NFIB: variants seen among roughly 807,000 people sequenced by gnomAD.
NFIB encodes the protein nuclear factor I B, also known as nuclear factor 1 B-type.
A neutral mutation model predicts 61.5 loss-of-function variants in NFIB; 11 were observed. The ratio of observed to expected loss-of-function variants is 0.18; its 90% CI spans 0.11 to 0.30. The LOEUF (loss-of-function observed/expected upper bound fraction) is 0.30. NFIB is among the 10% of genes least tolerant of loss of function. The probability of loss-of-function intolerance (pLI) is 1.00; values close to 1 mark genes in which losing one functional copy is unlikely to be tolerated. For synonymous variants in NFIB, 260 were observed against 216.5 expected (o/e 1.20, Z -1.76); for missense variants, 471 against 608.9 (o/e 0.77, Z 2.38).
intron 2 of NFIB, chr9:14,180,929 A>G (rs768645049): frequency 6.6e-5 from 10 of 152,180 alleles, no homozygotes; most frequent in Non-Finnish European, 1.3e-4. Context: ...TGGGGCACAA[A>G]TGACGGCTCT....
At chr9:14,398,616 C>T (rs2061711465) in exon 1 of NFIB, 2 of 1,531,290 alleles carry the variant, frequency 1.3e-6, no homozygotes, top group African/African-American at 1.4e-5. Flanking sequence ...TCCACAGACA[C>T]TGGGATTCTT....
At position 14,346,782 on chromosome 9, in the gene NFIB, G is replaced by A. The variant is rs180672621; in HGVS notation, c.109-39262C>T. Among the ~76,000 whole-genome samples, 806 of 152,286 alleles carry A rather than the reference G, an allele frequency of 5.3e-3. 6 individuals are homozygous for A. The highest frequency in any genetic ancestry group is 7.3e-3 in the Non-Finnish European group (499 of 68,020). ...GCGCAAGGAGTTATAGAACCTTGAG[G>A]GGGGGATCTTTTCTATCTCTAATTA... On this transcript the variant is annotated intron_variant, in intron 1 of 8. Transcript: ENST00000380934.
the NFIB span, among the ~76,000 whole-genome samples, chr9:14,429,510 T>G: frequency 6.6e-6 from 1 of 152,230 alleles, no homozygotes; most frequent in Non-Finnish European, 1.5e-5. Flanking sequence ...ATGTTACTAG[T>G]TAAGTGATAA....
chr9:14,368,288 T>C (rs998105274), intron 1 of NFIB, among the ~76,000 whole-genome samples: 1 of 152,042 alleles, frequency 6.6e-6, no homozygotes, highest in Non-Finnish European at 1.5e-5. Context: ...GAAGCAGACA[T>C]AAAGAGGTAG....
At chr9:14,220,871 A>ACACACACACACT in intron 2 of NFIB, among the ~76,000 whole-genome samples, 1 of 151,034 alleles carries the variant, frequency 6.6e-6, no homozygotes, top group African/African-American at 2.4e-5. Context: ...ACACACACAC[A>ACACACACACACT]CACACACACA....
intron 1 of NFIB, among the ~76,000 whole-genome samples, chr9:14,389,556 A>G (rs1165014322): frequency 6.6e-6 from 1 of 152,202 alleles, no homozygotes; most frequent in Non-Finnish European, 1.5e-5. Flanking sequence ...AGTAACTTGG[A>G]CCAGAATTTT....
chr9:14,095,920 G>A (rs2034708716), intron 10 of NFIB, among the ~76,000 whole-genome samples: 2 of 152,112 alleles, frequency 1.3e-5, no homozygotes, highest in Admixed American at 1.3e-4. Flanking sequence ...GTAACTTTCT[G>A]CAATTTCAGA....
chr9:14,093,529 G>C (rs764610801), intron 10 of NFIB: 4 of 151,864 alleles, frequency 2.6e-5, no homozygotes. Context: ...GAAAGCATGG[G>C]GAATAAATAA....
At chr9:14,453,635 G>C in the NFIB span, among the ~76,000 whole-genome samples, 1 of 152,144 alleles carries the variant, frequency 6.6e-6, no homozygotes, top group Non-Finnish European at 1.5e-5. Flanking sequence ...GTAAATCATT[G>C]AGAGTAATAT....
chr9:14,341,691 G>A (rs2060952277), intron 1 of NFIB, among the ~76,000 whole-genome samples: 1 of 152,140 alleles, frequency 6.6e-6, no homozygotes, highest in Non-Finnish European at 1.5e-5. Flanking sequence ...AGTCTGAGGT[G>A]GGAACATTTT....
chr9:14,186,209 AG>A (rs2047318698), intron 2 of NFIB, among the ~76,000 whole-genome samples: 1 of 152,186 alleles, frequency 6.6e-6, no homozygotes, highest in South Asian at 2.1e-4. Context: ...TTTTATATCA[AG>A]GGATATCAGA....
upstream of NFIB, among the ~76,000 whole-genome samples, chr9:14,318,461 T>G (rs183550333): frequency 1.7e-3 from 252 of 152,084 alleles, 1 homozygote; most frequent in African/African-American, 5.8e-3. Context: ...CATGAAAGAT[T>G]TCTTGGAACT....
At chr9:14,341,512 GC>G (rs2060950032) in intron 1 of NFIB, among the ~76,000 whole-genome samples, 2 of 152,172 alleles carry the variant, frequency 1.3e-5, no homozygotes, top group African/African-American at 4.8e-5. Context: ...GATCAGAAGT[GC>G]TGGGAAGGGA....
intron 2 of NFIB, among the ~76,000 whole-genome samples, chr9:14,278,332 G>C (rs541677971): frequency 6.6e-6 from 1 of 152,226 alleles, no homozygotes. Flanking sequence ...GTGGTCCATT[G>C]TTAATTGAGT....
At chr9:14,322,749 T>TGGCCTGCGCCGCGC (rs1554713467) in intron 1 of NFIB, among the ~76,000 whole-genome samples, 1 of 151,272 alleles carries the variant, frequency 6.6e-6, no homozygotes, top group African/African-American at 2.4e-5. Flanking sequence ...CGAGTGGGTG[T>TGGCCTGCGCCGCGC]GGCGGCCTGC....
At chr9:14,212,036 A>G (rs889891539) in intron 2 of NFIB, among the ~76,000 whole-genome samples, 4 of 152,246 alleles carry the variant, frequency 2.6e-5, no homozygotes, top group Admixed American at 2.0e-4. Flanking sequence ...TAATGCAAAT[A>G]CGTTGCCATT....
intron 2 of NFIB, among the ~76,000 whole-genome samples, chr9:14,194,690 G>A (rs933965058): frequency 1.3e-5 from 2 of 152,082 alleles, no homozygotes; most frequent in African/African-American, 2.4e-5. Context: ...AAACAAATGA[G>A]ATACATTATA....
In NFIB at chr9:14,216,546, C is replaced by CTGTGTG. The variant is rs372536644; in HGVS notation, c.563-36772_563-36767dup. ...TCTCTCTCTCTCTCTCTCTCTCCCT[C>CTGTGTG]TGTGTGTGTGTGTGTGTGTGTGTGT... On this transcript the variant is annotated intron_variant, in intron 2 of 10. Transcript: ENST00000380953. 7.6e-3 allele frequency among the ~76,000 whole-genome samples: 163 copies of CTGTGTG among 21,530 alleles called. 3 individuals carry two copies. The highest frequency in any genetic ancestry group is 0.034 in the Admixed American group (125 of 3,630). The allele number at this position is 21,530 out of a possible 152,430, so 14.1% of individuals were successfully genotyped here.
intron 2 of NFIB, among the ~76,000 whole-genome samples, chr9:14,190,675 G>T (rs539012161): frequency 1.3e-5 from 2 of 152,238 alleles, no homozygotes; most frequent in African/African-American, 4.8e-5. Flanking sequence ...TTAAAACTGT[G>T]CAGGCAAAGA....
Sources: gnomAD v4.1 joint callset for allele counts (sites outside exome capture counted in the v4.1 genomes callset) on GRCh38, gnomAD v4.1.1 for gene constraint, MANE v1.5 for transcripts, NCBI Gene and HGNC (gene_info 2026-07-23, HGNC 2026-07-21) for gene names.